Variants in FAM162A observed in about 807,000 individuals in gnomAD.
FAM162A encodes the protein protein FAM162A.
A neutral mutation model predicts 21.8 loss-of-function variants in FAM162A; 23 were observed. The observed-to-expected ratio is 1.05, with a 90% confidence interval of 0.76 to 1.49. The LOEUF (loss-of-function observed/expected upper bound fraction) is 1.49, where lower values mean the gene tolerates loss of function less well. FAM162A is among the 40% of genes most tolerant of loss of function. The pLI is 0.00. For missense variants in FAM162A, 165 were observed against 186.4 expected, an observed-to-expected ratio of 0.89 and a Z score of 0.67; for synonymous variants, 53 against 61.3, an observed-to-expected ratio of 0.86 and a Z score of 0.64.
At position 122,384,215 on chromosome 3, in the gene FAM162A, G is replaced by A; in HGVS notation, c.-51G>A. 6.4e-7 allele frequency: 1 copy of A among 1,552,264 alleles called. No homozygotes were observed. Among genetic ancestry groups the A allele is most frequent in the Non-Finnish European group, 8.7e-7 (1 of 1,148,168 alleles). On this transcript the variant is annotated 5_prime_UTR_variant, in exon 1 of 5. Transcript: ENST00000477892. ...GCTGGGTGACATTGAGCTCACCAGC[G>A]CCACCGTCCCCGGCGAAGTTCTGCG...
Position 122,402,751 on chromosome 3 carries a change from C to G in FAM162A, c.35-9C>G. On this transcript the variant is annotated splice_polypyrimidine_tract_variant and intron_variant, in intron 1 of 4. Coordinates refer to ENST00000477892, the MANE Select transcript of FAM162A (RefSeq NM_014367.4). ...TTCTTTCTTTGAAACATTTTCCTCTCTTTTTTAGGAAGCTGTTTTAGGTTA... is the reference window on the plus strand; with the variant it reads ...TTCTTTCTTTGAAACATTTTCCTCTGTTTTTTAGGAAGCTGTTTTAGGTTA... 1 of 1,491,346 alleles carries G rather than the reference C, an allele frequency of 6.7e-7. No individual in the cohort carries two copies. Among genetic ancestry groups the G allele is most frequent in the Non-Finnish European group, 8.9e-7 (1 of 1,119,714 alleles). 92.4% of individuals were successfully genotyped at this position (1,491,346 alleles called of 1,614,324 possible).
chr3:122,407,586 T>C, intron 4 of FAM162A, 197 bp downstream of exon 4: 1 of 503,244 alleles, frequency 2.0e-6, no homozygotes, highest in East Asian at 2.9e-5. Flanking sequence ...TAGCAAATCC[T>C]AACTTTGGCG....
Position 122,385,644 on chromosome 3 carries a change from A to G in FAM162A, c.34+1345A>G, listed in dbSNP as rs112547271. Among the ~76,000 whole-genome samples the G allele has an allele frequency of 2.0e-3, 302 of 152,314 alleles. 2 individuals carry two copies. Among genetic ancestry groups the G allele is most frequent in the African/African-American group, 6.9e-3 (287 of 41,570 alleles). On this transcript the variant is annotated intron_variant, in intron 1 of 4. Transcript: ENST00000477892. Reference sequence around the variant, plus strand: ...GCATCTTGCATAAATATATTTTTGCATCTCTGCAAACTTCTGATGTGTAAA... The same window carrying G: ...GCATCTTGCATAAATATATTTTTGCGTCTCTGCAAACTTCTGATGTGTAAA...
chr3:122,391,442 TA>T (rs945272123), intron 1 of FAM162A, among the ~76,000 whole-genome samples: 2 of 152,158 alleles, frequency 1.3e-5, no homozygotes, highest in African/African-American at 2.4e-5. Context: ...ACCTCATCTT[TA>T]AAAAAATATA....
At chr3:122,392,616 A>G (rs2075608906) in intron 1 of FAM162A, among the ~76,000 whole-genome samples, 1 of 152,206 alleles carries the variant, frequency 6.6e-6, no homozygotes, top group African/African-American at 2.4e-5. Context: ...CCATTCCAGA[A>G]CTGTGGATGC....
chr3:122,391,965 G>A (rs2075606169), intron 1 of FAM162A, among the ~76,000 whole-genome samples: 1 of 152,068 alleles, frequency 6.6e-6, no homozygotes, highest in African/African-American at 2.4e-5. Flanking sequence ...TTTCTCCCCA[G>A]TAGAATGCAA....
At position 122,386,166 on chromosome 3, in the gene FAM162A, G is replaced by A. The variant is rs372529713; in HGVS notation, c.34+1867G>A. ...AGTCATGAAATGCAGATTTAGTTCT[G>A]AAATGAAAGTACACCTTCATGTGCA... On this transcript the variant is annotated intron_variant, in intron 1 of 4. Transcript: ENST00000477892. Among the ~76,000 whole-genome samples, 150 of 152,268 alleles carry A rather than the reference G, an allele frequency of 9.9e-4. 1 individual carries two copies. The highest frequency in any genetic ancestry group is 3.4e-3 in the Middle Eastern group (1 of 294).
intron 1 of FAM162A, among the ~76,000 whole-genome samples, chr3:122,393,978 G>A (rs777304701): frequency 3.3e-5 from 5 of 152,112 alleles, no homozygotes; most frequent in Admixed American, 6.5e-5. Context: ...TTGGTTCATC[G>A]TTCTTCAGGC....
chr3:122,401,004 ACTT>A (rs1251092688), intron 1 of FAM162A, among the ~76,000 whole-genome samples: 4 of 152,182 alleles, frequency 2.6e-5, no homozygotes, highest in Non-Finnish European at 5.9e-5. Context: ...TTCCATATAT[ACTT>A]AAGATATTTC....
intron 1 of FAM162A, 147 bp downstream of exon 1, chr3:122,384,446 A>T (rs1307380953): frequency 3.0e-6 from 3 of 989,032 alleles, no homozygotes; most frequent in Non-Finnish European, 4.6e-6. Context: ...CTTAGTAGCC[A>T]TGTGGGAGGG....
intron 1 of FAM162A, among the ~76,000 whole-genome samples, chr3:122,392,288 G>T (rs2075607396): frequency 6.6e-6 from 1 of 152,118 alleles, no homozygotes; most frequent in Non-Finnish European, 1.5e-5. Flanking sequence ...GGTTAACCTT[G>T]TTCCTTTTGT....
intron 1 of FAM162A, among the ~76,000 whole-genome samples, chr3:122,388,011 T>C (rs1039754360): frequency 6.6e-6 from 1 of 152,136 alleles, no homozygotes; most frequent in African/African-American, 2.4e-5. Flanking sequence ...GTGTAGTGTT[T>C]GGAGACGTTT....
In FAM162A at chr3:122,407,274, T is replaced by C; in HGVS notation, c.264-7T>C. 6.2e-7 allele frequency: 1 copy of C among 1,612,130 alleles called. No homozygotes were observed. The highest frequency in any genetic ancestry group is 2.2e-5 in the East Asian group (1 of 44,862). On this transcript the variant is annotated splice_region_variant and splice_polypyrimidine_tract_variant and intron_variant, in intron 3 of 4. Coordinates refer to ENST00000477892, the MANE Select transcript of FAM162A (RefSeq NM_014367.4). ...AACTTTCTCTCATGATCTCATTGTATTACTAGGTTGGAGATGCTTGATGCT... is the reference window on the plus strand; with the variant it reads ...AACTTTCTCTCATGATCTCATTGTACTACTAGGTTGGAGATGCTTGATGCT...
At chr3:122,389,238 TA>T (rs1320317409) in intron 1 of FAM162A, among the ~76,000 whole-genome samples, 2 of 152,192 alleles carry the variant, frequency 1.3e-5, no homozygotes, top group African/African-American at 4.8e-5. Context: ...ATTTTATTAA[TA>T]GTACCTGTTG....
chr3:122,405,266 C>A (rs1289049242), intron 3 of FAM162A, among the ~76,000 whole-genome samples: 2 of 152,200 alleles, frequency 1.3e-5, no homozygotes, highest in African/African-American at 4.8e-5. Flanking sequence ...ATTCCTGGAT[C>A]TTCTGGTCTC....
intron 4 of FAM162A, among the ~76,000 whole-genome samples, chr3:122,409,021 C>T (rs891471895): frequency 1.9e-4 from 29 of 151,906 alleles, no homozygotes; most frequent in African/African-American, 6.3e-4. Flanking sequence ...CCCGCTCCCC[C>T]ACCCCCCGCC....
At chr3:122,395,230 A>G (rs1485222643) in intron 1 of FAM162A, among the ~76,000 whole-genome samples, 2 of 152,202 alleles carry the variant, frequency 1.3e-5, no homozygotes, top group Non-Finnish European at 2.9e-5. Flanking sequence ...TTCAACAGAC[A>G]TTTCTGTTCA....
At position 122,384,310 on chromosome 3, in the gene FAM162A, G is replaced by T; in HGVS notation, c.34+11G>T. The T allele has an allele frequency of 6.4e-7, 1 of 1,573,386 alleles. No individual in the cohort carries two copies. Among genetic ancestry groups the T allele is most frequent in the Non-Finnish European group, 8.6e-7 (1 of 1,159,640 alleles). ...TGCGCCTGGCAGCAGGTGAGACGCC[G>T]GTCGGGATATGGGAGGTAGGGGAGC... On this transcript the variant is annotated intron_variant, in intron 1 of 4. Transcript: ENST00000477892.
rs2075698931 is a variant in FAM162A, at chr3:122,410,299, C to T, written c.*468C>T. The T allele has an allele frequency of 5.1e-6, 1 of 197,980 alleles. No individual in the cohort carries two copies. The highest frequency in any genetic ancestry group is 2.4e-5 in the African/African-American group (1 of 41,972). 12.3% of individuals were successfully genotyped at this position (197,980 alleles called of 1,614,324 possible). A position where few individuals can be genotyped will look rare whatever the true frequency, so the allele number is the denominator to read the frequency against. On this transcript the variant is annotated 3_prime_UTR_variant, in exon 5 of 5. Coordinates refer to ENST00000477892, the MANE Select transcript of FAM162A (RefSeq NM_014367.4). ...CGAGCGCTGAGAAGCAGCCAGACCA[C>T]ATTCTATAATCTTTGAACATGCTGG...
Sources: allele counts gnomAD v4.1 joint callset (sites outside exome capture counted in the v4.1 genomes callset), GRCh38; gene constraint gnomAD v4.1.1; transcripts MANE v1.5; gene names NCBI Gene and HGNC (gene_info 2026-07-23, HGNC 2026-07-21).